RASGRP4: variants seen among roughly 807,000 people sequenced by gnomAD.
RASGRP4 encodes RAS guanyl releasing protein 4, also known as RAS guanyl-releasing protein 4.
RASGRP4 carries 52 observed loss-of-function variants against 84.4 expected under a neutral mutation model. The ratio of observed to expected loss-of-function variants is 0.62; its 90% CI spans 0.49 to 0.78. The LOEUF is 0.78. Ranked by LOEUF, RASGRP4 falls within the 30% of genes least tolerant of loss-of-function variation. RASGRP4 has a pLI of 0.00. For missense variants in RASGRP4, 760 were observed against 886.9 expected, an observed-to-expected ratio of 0.86 and a Z score of 1.82; for synonymous variants, 356 against 359.1, an observed-to-expected ratio of 0.99 and a Z score of 0.10.
chr19:38,421,253 A>ATCCT, intron 2 of RASGRP4, 53 bp from the exon 3 acceptor site: 1 of 1,297,212 alleles, frequency 7.7e-7, no homozygotes, highest in Admixed American at 1.7e-5. Context: ...AGCAATGCAG[A>ATCCT]GCGTAGCTCC....
chr19:38,418,333 G>C lies in RASGRP4; in HGVS notation c.837+58C>G, dbSNP rs758562654. On this transcript the variant is annotated intron_variant, in intron 7 of 16. Transcript: ENST00000615439. The surrounding 1 kb of genome is among the most constrained non-coding windows in gnomAD (Gnocchi z 4.6). ...CCCTGTGGGGTCGAGGGTCTGGAAGGGGAAGGACCAGGTGGCTGCGTGCAG... is the reference window on the plus strand; with the variant it reads ...CCCTGTGGGGTCGAGGGTCTGGAAGCGGAAGGACCAGGTGGCTGCGTGCAG... The C allele has an allele frequency of 5.0e-4, 772 of 1,537,602 alleles. 1 individual carries two copies. Among genetic ancestry groups the C allele is most frequent in the Non-Finnish European group, 6.5e-4 (737 of 1,132,556 alleles).
chr19:38,412,306 C>CG lies in RASGRP4; in HGVS notation c.1680+365dup, dbSNP rs1363840558. On this transcript the variant is annotated intron_variant, in intron 13 of 16. Coordinates refer to ENST00000615439, the MANE Select transcript of RASGRP4 (RefSeq NM_170604.3). This position sits in a 1 kb window ranked among gnomAD's most constrained non-coding sequence, Gnocchi z 4.6. Reference sequence around the variant, plus strand: ...CTAATTTTTGTATTTTTAGTAGAGACGGGGTCTCTCTTGCTATGTTCCCTA... The same window carrying CG: ...CTAATTTTTGTATTTTTAGTAGAGACGGGGGTCTCTCTTGCTATGTTCCCTA... The CG allele has an allele frequency of 5.1e-6, 1 of 195,622 alleles. No homozygotes were observed. Among genetic ancestry groups the CG allele is most frequent in the South Asian group, 9.7e-5 (1 of 10,348 alleles). 12.1% of individuals were successfully genotyped at this position (195,622 alleles called of 1,614,324 possible).
chr19:38,414,617 C>T lies in RASGRP4; in HGVS notation c.1230+231G>A, dbSNP rs755418389. On this transcript the variant is annotated intron_variant, in intron 9 of 16. Coordinates refer to ENST00000615439, the MANE Select transcript of RASGRP4 (RefSeq NM_170604.3). ...TTGGGATCACAGGCGTGAGCCACTG[C>T]GCCCGGCTGGGTCCTTTTATTATTC... Among the ~76,000 whole-genome samples the T allele has an allele frequency of 6.6e-5, 10 of 152,368 alleles. No individual in the cohort carries two copies. The South Asian group carries it at 1.2e-3, about 19-fold the overall frequency.
chr19:38,412,784 C>G lies in RASGRP4; in HGVS notation c.1568G>C (p.Gly523Ala), dbSNP rs1430989655. The change falls in exon 13 of 17, where the codon GGG becomes GCG. Residue 523 changes from glycine (G) to alanine (A), a missense_variant. Gly to Ala is a moderately conservative substitution (Grantham distance 60). Transcript: ENST00000615439. This position sits in a 1 kb window ranked among gnomAD's most constrained non-coding sequence, Gnocchi z 4.6. ...RGSFSREELT[G>A]YLLRASAICS... ...GATGGCGCTGGCCCGGAGCAGGTAC[C>G]CTGTCAGCTCCTCTCTGCTGAAGGA... 2.5e-6 allele frequency: 4 copies of G among 1,606,698 alleles called. No individual in the cohort carries two copies. The highest frequency in any genetic ancestry group is 2.7e-5 in the African/African-American group (2 of 74,752).
At chr19:38,410,787 T>G in intron 16 of RASGRP4, 99 bp downstream of exon 16, 1 of 833,626 alleles carries the variant, frequency 1.2e-6, no homozygotes, top group Non-Finnish European at 2.0e-6. Context: ...CTTCTGCATA[T>G]TTGTACTTTC....
chr19:38,413,641 T>A lies in RASGRP4; in HGVS notation c.1231-167A>T, dbSNP rs539182386. Among the ~76,000 whole-genome samples, 11 of 152,186 alleles carry A rather than the reference T, an allele frequency of 7.2e-5. No individual in the cohort carries two copies. The highest frequency in any genetic ancestry group is 1.6e-4 in the Non-Finnish European group (11 of 68,002). ...ACCTCTCTGGGCCTCAGTTTCCCAATCTACAGAATGGGCACAGTAAGGGTC... is the reference window on the plus strand; with the variant it reads ...ACCTCTCTGGGCCTCAGTTTCCCAAACTACAGAATGGGCACAGTAAGGGTC... On this transcript the variant is annotated intron_variant, in intron 9 of 16. Coordinates refer to ENST00000615439, the MANE Select transcript of RASGRP4 (RefSeq NM_170604.3). The surrounding 1 kb of genome is among the most constrained non-coding windows in gnomAD (Gnocchi z 4.7).
At chr19:38,411,515 T>A in intron 13 of RASGRP4, 134 bp from the exon 14 acceptor site, 1 of 873,016 alleles carries the variant, frequency 1.1e-6, no homozygotes, top group Non-Finnish European at 1.7e-6. Context: ...TAACTGGAAT[T>A]AAAGGAATGT....
intron 4 of RASGRP4, 134 bp from the exon 5 acceptor site, chr19:38,420,396 G>A (rs1971692597): frequency 3.4e-6 from 3 of 881,440 alleles, no homozygotes; most frequent in Admixed American, 6.0e-5. Flanking sequence ...CTGGAGGGTT[G>A]GGGTTTGGAG....
Position 38,412,847 on chromosome 19 carries a change from C to T in RASGRP4, c.1536-31G>A. On this transcript the variant is annotated intron_variant, in intron 12 of 16. Transcript: ENST00000615439. The surrounding 1 kb of genome is among the most constrained non-coding windows in gnomAD (Gnocchi z 4.6). ...GGCAGAAACTGAGCCTCAGCATGAC[C>T]TGCCCCAACGTCCTCCAGACCCAGG... 3 of 1,611,414 alleles carry T rather than the reference C, an allele frequency of 1.9e-6. No homozygotes were observed. The highest frequency in any genetic ancestry group is 2.5e-6 in the Non-Finnish European group (3 of 1,178,408).
Position 38,410,026 on chromosome 19 carries a change from A to C in RASGRP4, c.*14T>G. The C allele has an allele frequency of 6.2e-7, 1 of 1,606,588 alleles. No individual in the cohort carries two copies. The highest frequency in any genetic ancestry group is 8.5e-7 in the Non-Finnish European group (1 of 1,175,404). On this transcript the variant is annotated 3_prime_UTR_variant, in exon 17 of 17. Transcript: ENST00000615439. The stretch of plus-strand genomic sequence containing the variant: ...GGGGGAAGGGAGTGAGGAAGAGAGG[A>C]GACCAAGAGATGTCTAGGAATCCAG...
intron 5 of RASGRP4, 45 bp downstream of exon 5, chr19:38,420,086 G>A (rs1971674503): frequency 2.5e-6 from 4 of 1,607,672 alleles, no homozygotes; most frequent in Non-Finnish European, 3.4e-6. Context: ...GGAGATGGCA[G>A]AATGGCGATG....
At chr19:38,410,836 T>C in intron 16 of RASGRP4, 50 bp downstream of exon 16, 1 of 1,334,068 alleles carries the variant, frequency 7.5e-7, no homozygotes, top group Admixed American at 2.0e-5. Context: ...CCCACGCCAA[T>C]GGCCTGTGTC....
Position 38,426,059 on chromosome 19 carries a change from G to T in RASGRP4, c.23+10C>A. 7.3e-7 allele frequency: 1 copy of T among 1,367,862 alleles called. No individual in the cohort carries two copies. Among genetic ancestry groups the T allele is most frequent in the Non-Finnish European group, 9.5e-7 (1 of 1,051,258 alleles). The allele number at this position is 1,367,862 out of a possible 1,614,324, so 84.7% of individuals were successfully genotyped here. On this transcript the variant is annotated intron_variant, in intron 1 of 16. Transcript: ENST00000615439. ...GGTGCTGCCGGGCTCCCTGGGGAGG[G>T]TCCTCTCACCTCTTACTGTCTTTTC...
chr19:38,418,508 C>T lies in RASGRP4; in HGVS notation c.720G>A (p.Leu240=). 6.4e-7 allele frequency: 1 copy of T among 1,556,794 alleles called. No individual in the cohort carries two copies. Residue 240 remains leucine, a synonymous_variant, in exon 7 of 17, where the codon CTG becomes CTA. Coordinates refer to ENST00000615439, the MANE Select transcript of RASGRP4 (RefSeq NM_170604.3). The surrounding 1 kb of genome is among the most constrained non-coding windows in gnomAD (Gnocchi z 4.6). ...TGTTGCTGAGACCTACGGAGCCCTCCAGGGCCGGGCAGCCTCGTACTGAGC... is the reference window on the plus strand; with the variant it reads ...TGTTGCTGAGACCTACGGAGCCCTCTAGGGCCGGGCAGCCTCGTACTGAGC... The part of the protein sequence containing the change: ...LQGSVRGCPA[L]EGSVGLSNSV...
At position 38,421,957 on chromosome 19, in the gene RASGRP4, G is replaced by A. The variant is rs4310986; in HGVS notation, c.208+12C>T. 0.36 allele frequency: 569,770 copies of A among 1,601,758 alleles called. 104,173 individuals carry two copies. Among genetic ancestry groups the A allele is most frequent in the South Asian group, 0.53 (47,073 of 89,144 alleles). ...TTAGGGCCAGGGAGGCTGCTGGGGA[G>A]AGGACACTTACCGAAGGACTGGATG... On this transcript the variant is annotated intron_variant, in intron 2 of 16. Transcript: ENST00000615439.
In RASGRP4 at chr19:38,420,943, C is replaced by T. The variant is rs1971719072; in HGVS notation, c.342G>A (p.Gln114=). The T allele has an allele frequency of 6.2e-7, 1 of 1,613,844 alleles. No individual in the cohort carries two copies. Among genetic ancestry groups the T allele is most frequent in the Non-Finnish European group, 8.5e-7 (1 of 1,179,890 alleles). ...GACAGATCTGCAGCCGTCTCAGCTC[C>T]TGGGTGTCCCCTGTGGCCTTCTGGT... The part of the protein sequence containing the change: ...TSYQKATGDT[Q]ELRRLQICHL... Residue 114 remains glutamine (Q), a synonymous_variant, in exon 4 of 17, where the codon CAG becomes CAA. Transcript: ENST00000615439.
rs1971734165 is a variant in RASGRP4 at position 38,421,191 on chromosome 19, C to T, written c.218G>A (p.Gly73Asp). 6 of 1,612,224 alleles carry T rather than the reference C, an allele frequency of 3.7e-6. No homozygotes were observed. The highest frequency in any genetic ancestry group is 5.1e-6 in the Non-Finnish European group (6 of 1,178,612). The change falls in exon 3 of 17, where the codon GGC becomes GAC. Residue 73 changes from glycine to aspartate, a missense_variant. Transcript: ENST00000615439. ...EKCIQSFDSA[G>D]SLCHEDHMLN... ...CATGTGGTCCTCGTGGCACAGGCTG[C>T]CAGCTGAATCTGGGGTGGAAGGAGG...
intron 6 of RASGRP4, among the ~76,000 whole-genome samples, chr19:38,419,083 C>G (rs1054164094): frequency 6.6e-6 from 1 of 152,198 alleles, no homozygotes; most frequent in Non-Finnish European, 1.5e-5. Context: ...CTCACACACA[C>G]AACACACACA....
intron 2 of RASGRP4, among the ~76,000 whole-genome samples, chr19:38,421,420 G>A (rs1476236438): frequency 1.3e-5 from 2 of 152,158 alleles, no homozygotes; most frequent in Admixed American, 6.5e-5. Context: ...GATTGAAATA[G>A]CACCAGACTG....
Sources: gnomAD v4.1 joint callset for allele counts (sites outside exome capture counted in the v4.1 genomes callset) on GRCh38, gnomAD v4.1.1 for gene constraint, Gnocchi (gnomAD v3.1) non-coding constraint, MANE v1.5 for transcripts, NCBI Gene and HGNC (gene_info 2026-07-23, HGNC 2026-07-21) for gene names.